The following LARGE1 variants were observed in gnomAD, a reference collection of about 807,000 sequenced individuals.
The protein encoded by LARGE1 is xylosyl- and glucuronyltransferase LARGE1.
A neutral mutation model predicts 87.6 loss-of-function variants in LARGE1; 43 were observed. The ratio of observed to expected loss-of-function variants is 0.49; its 90% confidence interval spans 0.38 to 0.63. The LOEUF is 0.63. Among genes scored for constraint, LARGE1 ranks in the 30% least tolerant of loss-of-function variants. The pLI is 0.00. For synonymous variants in LARGE1, 434 were observed against 394.6 expected (o/e 1.10, Z -1.18); for missense variants, 802 against 1,000.2 (o/e 0.80, Z 2.67).
intron 9 of LARGE1, among the ~76,000 whole-genome samples, chr22:33,364,169 C>T (rs191662129): frequency 1.3e-3 from 194 of 152,242 alleles, no homozygotes; most frequent in African/African-American, 4.6e-3. Context: ...ATTCTCCTGC[C>T]TCAGCCTCCC....
At chr22:33,876,727 G>T (rs532052859) in intron 1 of LARGE1, among the ~76,000 whole-genome samples, 24 of 151,918 alleles carry the variant, frequency 1.6e-4, no homozygotes, top group African/African-American at 5.8e-4. Flanking sequence ...CCTAGATGAC[G>T]GGTCGACAGG....
chr22:33,369,266 A>G (rs565734881), intron 9 of LARGE1, among the ~76,000 whole-genome samples: 6 of 152,352 alleles, frequency 3.9e-5, no homozygotes, highest in African/African-American at 1.4e-4. Flanking sequence ...TGACATTCTC[A>G]GATAGGATTT....
chr22:33,457,540 A>G lies in LARGE1; in HGVS notation c.788-25275T>C, dbSNP rs575818794. Among the ~76,000 whole-genome samples the G allele has an allele frequency of 1.4e-4, 22 of 152,248 alleles. No homozygotes were observed. In the South Asian group the frequency reaches 3.9e-3, roughly 27 times the overall value. On this transcript the variant is annotated intron_variant, in intron 6 of 14. Transcript: ENST00000397394. Reference sequence around the variant, plus strand: ...AGTCCTTATTAAATTAAAAAAAGATATAATTGCTGACCTCAAACACACTAC... The same window carrying G: ...AGTCCTTATTAAATTAAAAAAAGATGTAATTGCTGACCTCAAACACACTAC...
At chr22:33,195,689 T>C (rs1924027671) in intron 11 of LARGE1, among the ~76,000 whole-genome samples, 1 of 151,800 alleles carries the variant, frequency 6.6e-6, no homozygotes, top group Non-Finnish European at 1.5e-5. Flanking sequence ...TAAAGAAATA[T>C]TTATGACACT....
chr22:33,513,340 C>A (rs1227629585), intron 6 of LARGE1, among the ~76,000 whole-genome samples: 1 of 152,130 alleles, frequency 6.6e-6, no homozygotes, highest in Non-Finnish European at 1.5e-5. Flanking sequence ...AGAAAAGCTG[C>A]CCAAGTCTAA....
At chr22:33,170,747 T>C (rs1922523961) in intron 11 of LARGE1, among the ~76,000 whole-genome samples, 1 of 152,194 alleles carries the variant, frequency 6.6e-6, no homozygotes, top group African/African-American at 2.4e-5. Flanking sequence ...CCCATCTTGG[T>C]ATCTTTATAA....
intron 1 of LARGE1, among the ~76,000 whole-genome samples, chr22:33,838,713 A>ACAGT (rs1415705242): frequency 6.6e-6 from 1 of 152,180 alleles, no homozygotes; most frequent in East Asian, 1.9e-4. Context: ...GCGTTCTGGA[A>ACAGT]CAGTCCGTCC....
chr22:33,730,321 T>C (rs2083420791), intron 2 of LARGE1, among the ~76,000 whole-genome samples: 1 of 152,234 alleles, frequency 6.6e-6, no homozygotes, highest in Admixed American at 6.5e-5. Context: ...ACAAACTACA[T>C]GTGAATCAAC....
At chr22:33,482,366 C>T (rs1463406028) in intron 6 of LARGE1, among the ~76,000 whole-genome samples, 1 of 152,138 alleles carries the variant, frequency 6.6e-6, no homozygotes, top group Admixed American at 6.6e-5. Flanking sequence ...ATTTATCGGG[C>T]ATTAAGCCAT....
At chr22:33,718,263 C>T (rs1601405384) in intron 2 of LARGE1, among the ~76,000 whole-genome samples, 2 of 152,186 alleles carry the variant, frequency 1.3e-5, no homozygotes, top group East Asian at 1.9e-4. Context: ...TGAGAACCCC[C>T]GGCTAAGTGT....
intron 7 of LARGE1, among the ~76,000 whole-genome samples, chr22:33,396,053 T>G (rs146337889): frequency 1.2e-3 from 176 of 152,330 alleles, no homozygotes; most frequent in Admixed American, 2.1e-3. Context: ...CCACCTCTAA[T>G]GCAGGATCCA....
chr22:33,772,460 T>G (rs918710375), intron 1 of LARGE1, among the ~76,000 whole-genome samples: 1 of 152,108 alleles, frequency 6.6e-6, no homozygotes, highest in African/African-American at 2.4e-5. Context: ...TCTGCTCTAC[T>G]CCAGCCACAC....
chr22:33,825,528 C>T (rs2062756852), intron 1 of LARGE1, among the ~76,000 whole-genome samples: 1 of 152,032 alleles, frequency 6.6e-6, no homozygotes, highest in South Asian at 2.1e-4. Context: ...CACATGGTGG[C>T]AGCAAGGAGA....
chr22:33,917,729 C>T (rs982336461), intron 1 of LARGE1, among the ~76,000 whole-genome samples: 1 of 152,136 alleles, frequency 6.6e-6, no homozygotes, highest in African/African-American at 2.4e-5. Context: ...TAACATTTTG[C>T]AGTTAACTGG....
chr22:33,498,696 G>C (rs1192305305), intron 6 of LARGE1, among the ~76,000 whole-genome samples: 2 of 152,284 alleles, frequency 1.3e-5, no homozygotes, highest in Non-Finnish European at 2.9e-5. Flanking sequence ...AACAGGCCAG[G>C]CGCGGGGGCT....
intron 11 of LARGE1, among the ~76,000 whole-genome samples, chr22:33,185,842 G>A (rs928198072): frequency 6.6e-6 from 1 of 152,008 alleles, no homozygotes; most frequent in Non-Finnish European, 1.5e-5. Context: ...ACAATGTTAA[G>A]AACAAAAGAA....
chr22:33,856,636 G>A (rs557157616), intron 1 of LARGE1: 2 of 152,208 alleles, frequency 1.3e-5, no homozygotes, highest in African/African-American at 2.4e-5. Flanking sequence ...TGAGCCAAGC[G>A]AGGTAGCTTA....
At chr22:33,609,970 C>T (rs915418683) in intron 4 of LARGE1, among the ~76,000 whole-genome samples, 1 of 151,976 alleles carries the variant, frequency 6.6e-6, no homozygotes, top group Admixed American at 6.6e-5. Flanking sequence ...TGTACCTGTT[C>T]CTGCTTCACC....
Position 33,361,668 on chromosome 22 carries a change from T to C in LARGE1, c.1131+20251A>G, listed in dbSNP as rs1200002051. Among the ~76,000 whole-genome samples the C allele has an allele frequency of 3.4e-5, 5 of 146,318 alleles. 1 individual carries two copies. The highest frequency in any genetic ancestry group is 2.1e-4 in the Admixed American group (3 of 14,584). On this transcript the variant is annotated intron_variant, in intron 9 of 14. Transcript: ENST00000397394. ...ATATCAAGATTCAGCTCAGGTTTCC[T>C]ATCTGAATCTGAATTCCTTGAGATT... is the stretch of plus-strand genomic sequence containing the variant.
Sources: allele counts gnomAD v4.1 joint callset (sites outside exome capture counted in the v4.1 genomes callset), GRCh38; gene constraint gnomAD v4.1.1; transcripts MANE v1.5; gene names NCBI Gene and HGNC (gene_info 2026-07-23, HGNC 2026-07-21).